STARD13: variants seen among roughly 807,000 people sequenced by gnomAD.
The protein encoded by STARD13 is StAR related lipid transfer domain containing 13, also known as stAR-related lipid transfer protein 13.
A neutral mutation model predicts 106.4 loss-of-function variants in STARD13; 62 were observed. The ratio of observed to expected loss-of-function variants is 0.58; its 90% CI spans 0.48 to 0.72. The LOEUF (loss-of-function observed/expected upper bound fraction) is 0.72. Among genes scored for constraint, STARD13 ranks in the 30% least tolerant of loss-of-function variants. STARD13 has a pLI of 0.00. For missense variants in STARD13, 1,387 were observed against 1,424.0 expected, an observed-to-expected ratio of 0.97 and a Z score of 0.42; for synonymous variants, 565 against 553.0, an observed-to-expected ratio of 1.02 and a Z score of -0.31.
At chr13:33,454,595 A>G in the STARD13 span, among the ~76,000 whole-genome samples, 1 of 152,208 alleles carries the variant, frequency 6.6e-6, no homozygotes, top group Non-Finnish European at 1.5e-5. Context: ...GCTCTTTCTT[A>G]CGACCTGAGG....
At chr13:33,388,173 G>C in the STARD13 span, among the ~76,000 whole-genome samples, 4 of 152,134 alleles carry the variant, frequency 2.6e-5, no homozygotes, top group African/African-American at 9.7e-5. Flanking sequence ...AACAGGAGTT[G>C]AAAGCTGTGG....
chr13:33,298,574 C>G (rs1892592233), intron 1 of STARD13, among the ~76,000 whole-genome samples: 1 of 151,970 alleles, frequency 6.6e-6, no homozygotes, highest in African/African-American at 2.4e-5. Flanking sequence ...CTTAGGGGCT[C>G]TCTTTCCATA....
downstream of STARD13, among the ~76,000 whole-genome samples, chr13:33,346,523 A>G (rs910379778): frequency 6.6e-6 from 1 of 152,242 alleles, no homozygotes; most frequent in Non-Finnish European, 1.5e-5. Context: ...GTGAGTTAGA[A>G]AAAGGATTTC....
the STARD13 span, among the ~76,000 whole-genome samples, chr13:33,447,221 C>A: frequency 6.6e-6 from 1 of 152,178 alleles, no homozygotes; most frequent in East Asian, 1.9e-4. Flanking sequence ...CCGCAAGGAC[C>A]TAAAAACGTC....
At chr13:33,425,416 G>T in the STARD13 span, among the ~76,000 whole-genome samples, 1 of 152,174 alleles carries the variant, frequency 6.6e-6, no homozygotes, top group Non-Finnish European at 1.5e-5. Flanking sequence ...CTACATTGGT[G>T]CCCTGAAGGG....
At chr13:33,331,373 T>C (rs1382279014) in intron 1 of STARD13, among the ~76,000 whole-genome samples, 4 of 152,072 alleles carry the variant, frequency 2.6e-5, no homozygotes, top group Non-Finnish European at 5.9e-5. Flanking sequence ...TGTTTTGAGG[T>C]GGGGTTTTGC....
the STARD13 span, among the ~76,000 whole-genome samples, chr13:33,381,567 C>A: frequency 5.3e-5 from 8 of 152,016 alleles, no homozygotes; most frequent in Non-Finnish European, 7.4e-5. Flanking sequence ...TGATGAAACC[C>A]CCCTCTCTAC....
intron 3 of STARD13, among the ~76,000 whole-genome samples, chr13:33,160,222 G>T (rs1275204781): frequency 1.3e-5 from 2 of 152,092 alleles, no homozygotes; most frequent in Non-Finnish European, 2.9e-5. Context: ...TTTCAATATT[G>T]ATCTGAAATG....
intron 11 of STARD13, among the ~76,000 whole-genome samples, chr13:33,110,416 C>T (rs1208445273): frequency 6.6e-6 from 1 of 152,176 alleles, no homozygotes; most frequent in Non-Finnish European, 1.5e-5. Context: ...AATGGGAAAA[C>T]TGAGGCACAG....
chr13:33,180,077 T>C (rs994106114), intron 1 of STARD13, among the ~76,000 whole-genome samples: 2 of 152,240 alleles, frequency 1.3e-5, no homozygotes, highest in Non-Finnish European at 2.9e-5. Context: ...GTCCACAGAA[T>C]GTTTCATGAT....
Position 33,255,563 on chromosome 13 carries a change from T to C in STARD13, c.169+29907A>G, listed in dbSNP as rs547280425. Among the ~76,000 whole-genome samples the C allele has an allele frequency of 2.0e-5, 3 of 151,966 alleles. No homozygotes were observed. The East Asian group carries it at 5.8e-4, about 30-fold the overall frequency. On this transcript the variant is annotated intron_variant, in intron 1 of 13. Transcript: ENST00000336934. ...AGTACAGTGTGCCTTGATGGTAAGTTTTTTCACAGAGATGATTCCTCTCTT... is the reference window on the plus strand; with the variant it reads ...AGTACAGTGTGCCTTGATGGTAAGTCTTTTCACAGAGATGATTCCTCTCTT...
intron 1 of STARD13, chr13:33,281,003 A>G (rs1383643343): frequency 6.6e-6 from 1 of 152,214 alleles, no homozygotes; most frequent in Non-Finnish European, 1.5e-5. Context: ...ATTCCACATA[A>G]TAAAGCCGCT....
chr13:33,145,436 A>C (rs1330800359), intron 3 of STARD13, among the ~76,000 whole-genome samples: 2 of 152,218 alleles, frequency 1.3e-5, no homozygotes, highest in Non-Finnish European at 2.9e-5. Flanking sequence ...TTATGAAATT[A>C]GATATATTTT....
At chr13:33,497,112 C>T in the STARD13 span, among the ~76,000 whole-genome samples, 10 of 152,118 alleles carry the variant, frequency 6.6e-5, no homozygotes, top group Admixed American at 5.2e-4. Flanking sequence ...GCTTAATTAG[C>T]ACGACCTCAG....
At chr13:33,528,188 TAC>T in the STARD13 span, among the ~76,000 whole-genome samples, 10 of 137,738 alleles carry the variant, frequency 7.3e-5, no homozygotes, top group African/African-American at 2.1e-4. Context: ...TATATATATA[TAC>T]ACACACACAA....
chr13:33,563,909 C>T, the STARD13 span, among the ~76,000 whole-genome samples: 1 of 147,260 alleles, frequency 6.8e-6, no homozygotes, highest in Non-Finnish European at 1.5e-5. Context: ...AAAAAGGGCA[C>T]GGCTGGGCAC....
At chr13:33,245,628 A>G (rs1442133998) in intron 1 of STARD13, among the ~76,000 whole-genome samples, 1 of 152,236 alleles carries the variant, frequency 6.6e-6, no homozygotes, top group Non-Finnish European at 1.5e-5. Context: ...CCTGCTTGTG[A>G]GAAGGGGCAG....
the STARD13 span, among the ~76,000 whole-genome samples, chr13:33,619,665 A>C: frequency 6.6e-6 from 1 of 152,218 alleles, no homozygotes; most frequent in Admixed American, 6.5e-5. Context: ...TAGTGAAAAA[A>C]GGGTAAGAAG....
the STARD13 span, among the ~76,000 whole-genome samples, chr13:33,568,231 G>A: frequency 6.8e-6 from 1 of 147,842 alleles, no homozygotes; most frequent in South Asian, 2.1e-4. Flanking sequence ...GGTAGTTACA[G>A]TAAATCAAGA....
Sources: allele counts gnomAD v4.1 joint callset (sites outside exome capture counted in the v4.1 genomes callset), GRCh38; gene constraint gnomAD v4.1.1; transcripts MANE v1.5; gene names NCBI Gene and HGNC (gene_info 2026-07-23, HGNC 2026-07-21).